FARS2: variants seen among roughly 807,000 people sequenced by gnomAD.
FARS2 encodes phenylalanine--tRNA ligase, mitochondrial.
Under a neutral mutation model 46.4 loss-of-function variants are expected in FARS2, and 40 were observed. The ratio of observed to expected loss-of-function variants is 0.86; its 90% CI spans 0.67 to 1.12. FARS2 has a LOEUF of 1.12. Ranked by LOEUF, FARS2 falls within the 50% of genes most tolerant of loss-of-function variation. The pLI, the probability that FARS2 is intolerant of heterozygous loss-of-function variation, is 0.00. For missense variants in FARS2, 513 were observed against 567.9 expected, an observed-to-expected ratio of 0.90 and a Z score of 0.98; for synonymous variants, 234 against 214.9, an observed-to-expected ratio of 1.09 and a Z score of -0.78.
intron 3 of FARS2, among the ~76,000 whole-genome samples, chr6:5,423,399 ATCT>A (rs2127754054): frequency 6.6e-6 from 1 of 152,196 alleles, no homozygotes; most frequent in East Asian, 1.9e-4. Flanking sequence ...CGATCATATC[ATCT>A]TACGATCCAA....
intron 6 of FARS2, among the ~76,000 whole-genome samples, chr6:5,763,213 C>G (rs1029941534): frequency 5.9e-5 from 9 of 152,134 alleles, no homozygotes; most frequent in African/African-American, 1.9e-4. Flanking sequence ...TGTGCAGGCT[C>G]TGGGAATGCT....
At chr6:5,298,337 G>C (rs1188535520) in intron 1 of FARS2, among the ~76,000 whole-genome samples, 1 of 152,190 alleles carries the variant, frequency 6.6e-6, no homozygotes, top group Non-Finnish European at 1.5e-5. Flanking sequence ...TTATGGCTGG[G>C]AAGCCTGGTT....
intron 6 of FARS2, among the ~76,000 whole-genome samples, chr6:5,654,579 T>C (rs1026888045): frequency 1.3e-5 from 2 of 152,154 alleles, no homozygotes; most frequent in Non-Finnish European, 2.9e-5. Flanking sequence ...CTCGAAGACC[T>C]GCTACTCTTC....
intron 5 of FARS2, among the ~76,000 whole-genome samples, chr6:5,597,028 G>A (rs1413544697): frequency 6.6e-6 from 1 of 152,222 alleles, no homozygotes; most frequent in African/African-American, 2.4e-5. Context: ...TTTTGCAGAT[G>A]AGGAAACCTG....
chr6:5,381,477 T>A (rs771542795), intron 2 of FARS2, among the ~76,000 whole-genome samples: 8 of 151,550 alleles, frequency 5.3e-5, no homozygotes, highest in Non-Finnish European at 7.4e-5. Flanking sequence ...AGTTAAAGGG[T>A]TTTATGGGCT....
intron 1 of FARS2, among the ~76,000 whole-genome samples, chr6:5,359,939 C>T (rs899165944): frequency 2.6e-5 from 4 of 152,188 alleles, no homozygotes; most frequent in Non-Finnish European, 5.9e-5. Flanking sequence ...TGATGAACCA[C>T]CACAGAAAAG....
Position 5,297,373 on chromosome 6 carries a change from C to T in FARS2, c.-22+35713C>T, listed in dbSNP as rs183143414. The stretch of plus-strand genomic sequence containing the variant: ...TTTAAAAAAACTAATTTTGGCCTGG[C>T]GCAGTGGCTCACGCCTGTAATCCCA... On this transcript the variant is annotated intron_variant, in intron 1 of 6. Coordinates refer to ENST00000274680, the MANE Select transcript of FARS2 (RefSeq NM_006567.5). Among the ~76,000 whole-genome samples the T allele has an allele frequency of 2.0e-4, 31 of 152,288 alleles. 1 individual carries two copies. In the East Asian group the frequency reaches 3.7e-3, roughly 18 times the overall value.
At chr6:5,503,179 AAATT>A (rs1327388946) in intron 4 of FARS2, among the ~76,000 whole-genome samples, 1 of 148,976 alleles carries the variant, frequency 6.7e-6, no homozygotes. Flanking sequence ...CATAATTTAA[AAATT>A]AATAAAATAT....
At chr6:5,289,707 A>G (rs1767371554) in intron 1 of FARS2, among the ~76,000 whole-genome samples, 1 of 152,184 alleles carries the variant, frequency 6.6e-6, no homozygotes, top group African/African-American at 2.4e-5. Context: ...TCCAGTGCAA[A>G]TGAAGACTTG....
intron 4 of FARS2, among the ~76,000 whole-genome samples, chr6:5,538,148 CAA>C (rs34273142): frequency 0.021 from 2,316 of 108,088 alleles, 34 homozygotes; most frequent in African/African-American, 0.068. Flanking sequence ...TGGAATGAGG[CAA>C]AAAAAAAAAA....
chr6:5,771,389 A>G lies in FARS2; in HGVS notation c.1316A>G (p.Glu439Gly). Residue 439 changes from glutamate to glycine, a missense_variant, in exon 7 of 7, where the codon GAG (glutamate) becomes GGG (glycine). Transcript: ENST00000274680. ...AGGCACATCCACCAGGCCTTGCAGG[A>G]GGCTGCAGTCCAGCTGTTGGGTGTG... ...EVRHIHQALQ[E>G]AAVQLLGVEG... 2 of 1,614,232 alleles carry G rather than the reference A, an allele frequency of 1.2e-6. No homozygotes were observed. Among genetic ancestry groups the G allele is most frequent in the Admixed American group, 1.7e-5 (1 of 60,028 alleles).
rs200864530 is a variant in FARS2 at position 5,384,935 on chromosome 6, A to C, written c.612+15753A>C. ...GGAAATGAGACAAGCAGCAGGGAGAAAATAAAGTCTGCTTTTTGCAGTATA... is the reference window on the plus strand; with the variant it reads ...GGAAATGAGACAAGCAGCAGGGAGACAATAAAGTCTGCTTTTTGCAGTATA... On this transcript the variant is annotated intron_variant, in intron 2 of 6. Coordinates refer to ENST00000274680, the MANE Select transcript of FARS2 (RefSeq NM_006567.5). Among the ~76,000 whole-genome samples, 4 of 152,230 alleles carry C rather than the reference A, an allele frequency of 2.6e-5. No homozygotes were observed. The East Asian group carries it at 7.7e-4, about 29-fold the overall frequency.
intron 1 of FARS2, among the ~76,000 whole-genome samples, chr6:5,353,940 C>CTT (rs200790865): frequency 1.5e-4 from 21 of 136,816 alleles, no homozygotes; most frequent in African/African-American, 2.7e-4. Context: ...CTGTTTGCTG[C>CTT]TTTTTTTTTT....
intron 6 of FARS2, among the ~76,000 whole-genome samples, chr6:5,635,726 CGTT>C (rs1197387503): frequency 6.6e-6 from 1 of 152,070 alleles, no homozygotes; most frequent in African/African-American, 2.4e-5. Context: ...GGCCTCATGT[CGTT>C]GTTTCCCCAG....
intron 4 of FARS2, among the ~76,000 whole-genome samples, chr6:5,535,047 A>T (rs1447559828): frequency 6.6e-6 from 1 of 152,160 alleles, no homozygotes; most frequent in Non-Finnish European, 1.5e-5. Context: ...TATTTTCATT[A>T]TTATAACCAC....
chr6:5,485,523 G>A (rs1766723148), intron 4 of FARS2, among the ~76,000 whole-genome samples: 1 of 143,504 alleles, frequency 7.0e-6, no homozygotes, highest in Admixed American at 7.0e-5. Context: ...TTTTTCCTGG[G>A]GGGCAGTGAC....
chr6:5,461,477 A>G (rs1409982794), intron 4 of FARS2, among the ~76,000 whole-genome samples: 1 of 152,180 alleles, frequency 6.6e-6, no homozygotes, highest in Non-Finnish European at 1.5e-5. Flanking sequence ...TTTTCCAGCC[A>G]CCATCACAAT....
rs78260313 is a variant in FARS2, at chr6:5,285,744, A to T, written c.-22+24084A>T. ...TAGGTCAAGTTTCAGTGTCTGTCTC[A>T]GTGATGTTATCTCTGTGGGTAGTAA... On this transcript the variant is annotated intron_variant, in intron 1 of 6. Coordinates refer to ENST00000274680, the MANE Select transcript of FARS2 (RefSeq NM_006567.5). Among the ~76,000 whole-genome samples, 286 of 152,302 alleles carry T rather than the reference A, an allele frequency of 1.9e-3. 2 individuals carry two copies. The highest frequency in any genetic ancestry group is 6.8e-3 in the Middle Eastern group (2 of 294).
intron 6 of FARS2, among the ~76,000 whole-genome samples, chr6:5,639,935 C>T (rs972844487): frequency 2.0e-5 from 3 of 152,192 alleles, no homozygotes; most frequent in Non-Finnish European, 4.4e-5. Context: ...TGCTTTTCCT[C>T]AGTGGTCTCT....
Sources: gnomAD v4.1 joint callset for allele counts (sites outside exome capture counted in the v4.1 genomes callset) on GRCh38, gnomAD v4.1.1 for gene constraint, MANE v1.5 for transcripts, NCBI Gene and HGNC (gene_info 2026-07-23, HGNC 2026-07-21) for gene names.